AARSD1: variants seen among roughly 807,000 people sequenced by gnomAD.
AARSD1 encodes the protein alanyl-tRNA synthetase domain containing 1.
Under a neutral mutation model 48.7 loss-of-function variants are expected in AARSD1, and 44 were observed. The ratio of observed to expected loss-of-function variants is 0.90; its 90% CI spans 0.71 to 1.16. The LOEUF (loss-of-function observed/expected upper bound fraction) is 1.16, where lower values mean the gene tolerates loss of function less well. Ranked by LOEUF, AARSD1 falls within the 50% of genes most tolerant of loss-of-function variation. AARSD1 has a pLI of 0.00. For missense variants in AARSD1, 511 were observed against 523.1 expected, an observed-to-expected ratio of 0.98 and a Z score of 0.23; for synonymous variants, 189 against 194.9, an observed-to-expected ratio of 0.97 and a Z score of 0.25.
intron 8 of AARSD1, 29 bp downstream of exon 8, chr17:42,955,128 GC>G: frequency 1.2e-6 from 2 of 1,614,018 alleles, no homozygotes; most frequent in Non-Finnish European, 1.7e-6. Context: ...CAGGGCCCAT[GC>G]CCTCTCTACC....
In AARSD1 at chr17:42,950,556, G is replaced by A; in HGVS notation, c.*37C>T. On this transcript the variant is annotated 3_prime_UTR_variant, in exon 12 of 12. Transcript: ENST00000427569. ...AGTCAATCTATTTTATTGACCAAAA[G>A]ATTCCTGTGGAAACAGGAGGTGAGT... 4 of 1,567,842 alleles carry A rather than the reference G, an allele frequency of 2.6e-6. No homozygotes were observed. The highest frequency in any genetic ancestry group is 3.5e-6 in the Non-Finnish European group (4 of 1,156,516).
intron 2 of AARSD1, among the ~76,000 whole-genome samples, chr17:42,962,877 G>A (rs1390458188): frequency 6.6e-6 from 1 of 152,078 alleles, no homozygotes; most frequent in Non-Finnish European, 1.5e-5. Context: ...CAAAAAAGCA[G>A]CCAAGCATGT....
At chr17:42,959,296 G>A (rs2049600298) in intron 3 of AARSD1, among the ~76,000 whole-genome samples, 1 of 150,592 alleles carries the variant, frequency 6.6e-6, no homozygotes, top group African/African-American at 2.4e-5. Context: ...TCAGCTCACT[G>A]CCACCTCTGG....
intron 10 of AARSD1, 38 bp downstream of exon 10, chr17:42,953,686 T>C (rs1437467679): frequency 8.7e-6 from 14 of 1,614,000 alleles, no homozygotes; most frequent in Non-Finnish European, 1.1e-5. Flanking sequence ...CCTAGGTCTC[T>C]ATCCAGGCCG....
At chr17:42,957,079 G>C in intron 4 of AARSD1, 59 bp downstream of exon 4, 1 of 1,533,608 alleles carries the variant, frequency 6.5e-7, no homozygotes. Context: ...TCCCACCTCC[G>C]CCTCCCTCCC....
intron 9 of AARSD1, 114 bp downstream of exon 9, chr17:42,954,762 C>T: frequency 8.3e-7 from 1 of 1,206,544 alleles, no homozygotes; most frequent in Non-Finnish European, 1.2e-6. Flanking sequence ...TCTACTCAAC[C>T]TTGAGAATAC....
chr17:42,961,003 T>C, intron 3 of AARSD1, 189 bp downstream of exon 3: 2 of 969,006 alleles, frequency 2.1e-6, no homozygotes, highest in Non-Finnish European at 2.9e-6. Flanking sequence ...TCTAATACTT[T>C]TTTTTACTTC....
At chr17:42,960,502 C>T (rs998531189) in intron 3 of AARSD1, among the ~76,000 whole-genome samples, 5 of 151,394 alleles carry the variant, frequency 3.3e-5, no homozygotes, top group Middle Eastern at 3.4e-3. Context: ...GCAGGCGGAT[C>T]ATCTGAGGTC....
chr17:42,959,172 G>GGGT (rs1367812824), intron 3 of AARSD1, among the ~76,000 whole-genome samples: 1 of 143,774 alleles, frequency 7.0e-6, no homozygotes, highest in African/African-American at 2.6e-5. Flanking sequence ...ACTCCAGCCT[G>GGGT]GGTGACAGAG....
intron 11 of AARSD1, among the ~76,000 whole-genome samples, chr17:42,951,397 C>CA (rs1259794082): frequency 6.6e-6 from 1 of 151,890 alleles, no homozygotes; most frequent in Non-Finnish European, 1.5e-5. Flanking sequence ...ACTAAAAATA[C>CA]AAAAAATTGG....
intron 3 of AARSD1, among the ~76,000 whole-genome samples, chr17:42,959,158 C>T (rs765791604): frequency 6.8e-5 from 9 of 131,786 alleles, no homozygotes; most frequent in Non-Finnish European, 9.4e-5. Flanking sequence ...GACTGCACCA[C>T]TGCACTCCAG....
chr17:42,957,089 C>A, intron 4 of AARSD1, 49 bp downstream of exon 4: 1 of 1,604,904 alleles, frequency 6.2e-7, no homozygotes, highest in Non-Finnish European at 8.5e-7. Flanking sequence ...GCCTCCCTCC[C>A]AGTGCTGGGA....
intron 6 of AARSD1, 71 bp downstream of exon 6, chr17:42,956,133 C>T (rs757227296): frequency 6.2e-7 from 1 of 1,611,956 alleles, no homozygotes; most frequent in Non-Finnish European, 8.5e-7. Flanking sequence ...CCCTCTCCCA[C>T]TCCCAGCCCC....
rs774700377 is a variant in AARSD1 at position 42,955,822 on chromosome 17, A to T, written c.794+20T>A. 1.2e-6 allele frequency: 2 copies of T among 1,613,750 alleles called. No homozygotes were observed. Among genetic ancestry groups the T allele is most frequent in the Non-Finnish European group, 1.7e-6 (2 of 1,179,716 alleles). On this transcript the variant is annotated intron_variant, in intron 7 of 11. Coordinates refer to ENST00000427569, the MANE Select transcript of AARSD1 (RefSeq NM_001261434.2). Reference sequence around the variant, plus strand: ...AATCTCAGAAATGGGAGGTAATCGAAGGTACTGAAACAGGCATACTTAAGC... The same window carrying T: ...AATCTCAGAAATGGGAGGTAATCGATGGTACTGAAACAGGCATACTTAAGC...
rs140103494 is a variant in AARSD1, at chr17:42,964,110, C to T, written c.167G>A (p.Gly56Glu). 5.5e-4 allele frequency: 893 copies of T among 1,614,096 alleles called. 1 individual carries two copies. Among genetic ancestry groups the T allele is most frequent in the Non-Finnish European group, 6.3e-4 (739 of 1,180,026 alleles). ...EDTVLFPEGG[G>E]QPDDRGTIND... ...GGGAAGAGATCGTTTTGGTACCTGT[C>T]CCCCGCCCTCAGGGAAAAGCACTGT... The change falls in exon 2 of 12, where the codon GGA becomes GAA. Residue 56 changes from glycine to glutamate, a missense_variant. Gly to Glu is a moderately conservative substitution (Grantham distance 98). Coordinates refer to ENST00000427569, the MANE Select transcript of AARSD1 (RefSeq NM_001261434.2).
At chr17:42,958,506 A>C (rs1444558547) in intron 3 of AARSD1, among the ~76,000 whole-genome samples, 2 of 151,978 alleles carry the variant, frequency 1.3e-5, no homozygotes, top group African/African-American at 4.8e-5. Flanking sequence ...AAAAATAAAA[A>C]TAACAAATAA....
At chr17:42,959,337 T>A (rs1467917000) in intron 3 of AARSD1, among the ~76,000 whole-genome samples, 3 of 150,552 alleles carry the variant, frequency 2.0e-5, no homozygotes, top group Non-Finnish European at 4.4e-5. Flanking sequence ...TGCCTCAGCC[T>A]CCTGAGTGGC....
intron 2 of AARSD1, among the ~76,000 whole-genome samples, chr17:42,963,432 AAAAG>A (rs2049666310): frequency 6.6e-6 from 1 of 151,800 alleles, no homozygotes; most frequent in South Asian, 2.1e-4. Context: ...GAAAGAAAAG[AAAAG>A]AAAGAAAAGC....
At chr17:42,956,115 G>A (rs537082191) in intron 6 of AARSD1, 89 bp downstream of exon 6, 65 of 1,609,778 alleles carry the variant, frequency 4.0e-5, no homozygotes, top group African/African-American at 6.7e-5. Context: ...AGGACTCCTC[G>A]ATTATCCCCC....
Sources: allele counts gnomAD v4.1 joint callset (sites outside exome capture counted in the v4.1 genomes callset), GRCh38; gene constraint gnomAD v4.1.1; transcripts MANE v1.5; gene names NCBI Gene and HGNC (gene_info 2026-07-23, HGNC 2026-07-21).